Variants in SORCS1 observed in about 807,000 individuals in gnomAD.
SORCS1 encodes the protein VPS10 domain-containing receptor SorCS1.
A neutral mutation model predicts 146.1 loss-of-function variants in SORCS1; 60 were observed. That is an observed-to-expected ratio of 0.41 (90% confidence interval 0.33 to 0.51). The LOEUF is 0.51. Ranked by LOEUF, SORCS1 falls within the 20% of genes least tolerant of loss-of-function variation. The pLI is 0.21. For missense variants in SORCS1, 1,352 were observed against 1,487.6 expected (o/e 0.91, Z 1.50); for synonymous variants, 637 against 584.0 (o/e 1.09, Z -1.31).
rs544295440 is a variant in SORCS1, at chr10:107,139,293, A to C, written c.558+24676T>G. Among the ~76,000 whole-genome samples, 4 of 152,342 alleles carry C rather than the reference A, an allele frequency of 2.6e-5. No homozygotes were observed. In the South Asian group the frequency reaches 8.3e-4, roughly 32 times the overall value. Reference sequence around the variant, plus strand: ...AAGCTAGTAATAGGCAGAGTTGTGCACTTAGTTTTAGCCATGTTGATATAA... The same window carrying C: ...AAGCTAGTAATAGGCAGAGTTGTGCCCTTAGTTTTAGCCATGTTGATATAA... On this transcript the variant is annotated intron_variant, in intron 1 of 25. Transcript: ENST00000263054.
At chr10:106,671,740 T>C (rs1851623967) in intron 15 of SORCS1, among the ~76,000 whole-genome samples, 1 of 152,188 alleles carries the variant, frequency 6.6e-6, no homozygotes, top group Admixed American at 6.5e-5. Context: ...ATGTATACAG[T>C]TGGTCATTTA....
intron 12 of SORCS1, among the ~76,000 whole-genome samples, chr10:106,678,772 C>T (rs538192113): frequency 1.3e-5 from 2 of 152,290 alleles, no homozygotes; most frequent in South Asian, 4.1e-4. Flanking sequence ...GGTTATTACT[C>T]TGTCTTTTGC....
At chr10:106,927,628 C>T (rs1953130619) in intron 2 of SORCS1, among the ~76,000 whole-genome samples, 1 of 152,146 alleles carries the variant, frequency 6.6e-6, no homozygotes, top group African/African-American at 2.4e-5. Flanking sequence ...TCTGTTTTGA[C>T]AGGGCACTGA....
At chr10:107,163,187 A>G (rs1481493618) in intron 1 of SORCS1, among the ~76,000 whole-genome samples, 1 of 152,216 alleles carries the variant, frequency 6.6e-6, no homozygotes, top group African/African-American at 2.4e-5. Flanking sequence ...GCCTTCATAA[A>G]GGGAATGTTA....
In SORCS1 at chr10:106,940,405, T is replaced by C. The variant is rs939964773; in HGVS notation, c.626+16108A>G. 1.6e-4 allele frequency among the ~76,000 whole-genome samples: 24 copies of C among 152,194 alleles called. 1 individual carries two copies. Among genetic ancestry groups the C allele is most frequent in the Admixed American group, 1.5e-3 (23 of 15,270 alleles). On this transcript the variant is annotated intron_variant, in intron 2 of 25. Coordinates refer to ENST00000263054, the MANE Select transcript of SORCS1 (RefSeq NM_052918.5). ...CAAGGTCTGTACTTGGTGTTGGGTA[T>C]ACAAAAATGAAGAAGGTAGCATGTG...
intron 23 of SORCS1, among the ~76,000 whole-genome samples, chr10:106,599,189 A>C (rs1452731700): frequency 6.6e-6 from 1 of 151,926 alleles, no homozygotes; most frequent in African/African-American, 2.4e-5. Flanking sequence ...AACATGGTGA[A>C]ATCCCATCTC....
rs60728923 is a variant in SORCS1, at chr10:106,729,969, G to A, written c.1024+81C>T. On this transcript the variant is annotated intron_variant, in intron 6 of 25. Transcript: ENST00000263054. ...CACTATTACTCTGCATACACCATGA[G>A]ATTATTACACAGACTCAGTTCATGA... 481 of 1,512,732 alleles carry A rather than the reference G, an allele frequency of 3.2e-4. 1 individual carries two copies. The African/African-American group carries it at 6.2e-3, about 20-fold the overall frequency. The allele number at this position is 1,512,732 out of a possible 1,614,324, so 93.7% of individuals were successfully genotyped here.
At chr10:107,030,686 C>A (rs1958608803) in intron 1 of SORCS1, among the ~76,000 whole-genome samples, 2 of 152,152 alleles carry the variant, frequency 1.3e-5, no homozygotes, top group Non-Finnish European at 2.9e-5. Flanking sequence ...TAAAACTTTT[C>A]TCAATTAATA....
intron 1 of SORCS1, among the ~76,000 whole-genome samples, chr10:107,041,642 G>A (rs897040157): frequency 1.3e-5 from 2 of 151,660 alleles, no homozygotes; most frequent in African/African-American, 2.4e-5. Flanking sequence ...AAACATTTTT[G>A]TTCCTATATT....
rs542079924 is a variant in SORCS1, at chr10:106,713,786, C to G, written c.1025-4445G>C. Among the ~76,000 whole-genome samples the G allele has an allele frequency of 8.5e-4, 130 of 152,266 alleles. 1 individual carries two copies. Among genetic ancestry groups the G allele is most frequent in the Non-Finnish European group, 1.6e-3 (109 of 68,010 alleles). ...TAGTATACTGTGTTGCATGAAAAAT[C>G]CCAGTAAGTTTGGGGCCAATTTTTG... On this transcript the variant is annotated intron_variant, in intron 6 of 25. Coordinates refer to ENST00000263054, the MANE Select transcript of SORCS1 (RefSeq NM_052918.5).
intron 1 of SORCS1, among the ~76,000 whole-genome samples, chr10:107,147,272 CTT>C (rs1968409552): frequency 6.6e-6 from 1 of 152,160 alleles, no homozygotes; most frequent in Admixed American, 6.5e-5. Context: ...CCTGCTGAGA[CTT>C]TGCAACATGG....
At chr10:106,666,554 C>T (rs7077624) in intron 17 of SORCS1, among the ~76,000 whole-genome samples, 28,489 of 141,090 alleles carry the variant, frequency 0.2, 3,600 homozygotes, top group African/African-American at 0.35. Flanking sequence ...AAATCTCTCT[C>T]TTTTTTTTTT....
At chr10:106,722,377 A>T (rs1177676598) in intron 6 of SORCS1, among the ~76,000 whole-genome samples, 1 of 152,132 alleles carries the variant, frequency 6.6e-6, no homozygotes, top group Non-Finnish European at 1.5e-5. Context: ...TACGGAAACT[A>T]GGTTGGAAAG....
At chr10:106,723,294 A>G (rs1855909617) in intron 6 of SORCS1, among the ~76,000 whole-genome samples, 1 of 152,152 alleles carries the variant, frequency 6.6e-6, no homozygotes, top group Non-Finnish European at 1.5e-5. Context: ...CTCTTTAACT[A>G]TATGCATTAC....
At chr10:106,627,018 G>T (rs559687093) in intron 19 of SORCS1, among the ~76,000 whole-genome samples, 2 of 152,308 alleles carry the variant, frequency 1.3e-5, no homozygotes, top group South Asian at 4.1e-4. Context: ...CTAATGAAAT[G>T]AAAGAATTGC....
chr10:106,608,092 G>C (rs747250930), intron 22 of SORCS1, among the ~76,000 whole-genome samples: 1 of 152,170 alleles, frequency 6.6e-6, no homozygotes, highest in Non-Finnish European at 1.5e-5. Context: ...AGAATCAATA[G>C]CTATAATCCC....
At chr10:106,997,868 A>G (rs907489146) in intron 1 of SORCS1, among the ~76,000 whole-genome samples, 12 of 152,276 alleles carry the variant, frequency 7.9e-5, no homozygotes, top group African/African-American at 2.6e-4. Flanking sequence ...ACCACCTCCC[A>G]GTAACCGCCC....
At chr10:106,869,741 A>T (rs1056299973) in intron 2 of SORCS1, among the ~76,000 whole-genome samples, 79 of 152,200 alleles carry the variant, frequency 5.2e-4, no homozygotes, top group African/African-American at 1.9e-3. Flanking sequence ...CATCATACTG[A>T]ATGGGCAACA....
At chr10:106,709,362 C>T (rs1234302615) in intron 6 of SORCS1, 21 bp from the exon 7 acceptor site, 1 of 1,527,982 alleles carries the variant, frequency 6.5e-7, no homozygotes. Flanking sequence ...AAAACAAAAA[C>T]AAAAACATGG....
Sources: gnomAD v4.1 joint callset for allele counts (sites outside exome capture counted in the v4.1 genomes callset) on GRCh38, gnomAD v4.1.1 for gene constraint, MANE v1.5 for transcripts, NCBI Gene and HGNC (gene_info 2026-07-23, HGNC 2026-07-21) for gene names.